The following RPS6KC1 variants were observed in gnomAD, a reference collection of about 807,000 sequenced individuals.
RPS6KC1 encodes the protein inactive ribosomal protein S6 kinase delta-1.
In RPS6KC1, 54 loss-of-function variants were observed where a neutral mutation model predicts 103.8. The ratio of observed to expected loss-of-function variants is 0.52; its 90% CI spans 0.42 to 0.65. RPS6KC1 has a LOEUF of 0.65. RPS6KC1 is among the 30% of genes least tolerant of loss of function. The pLI is 0.00. For synonymous variants in RPS6KC1, 439 were observed against 438.7 expected, an observed-to-expected ratio of 1.00 and a Z score of -0.01; for missense variants, 1,151 against 1,253.8, an observed-to-expected ratio of 0.92 and a Z score of 1.24.
chr1:213,157,565 A>T (rs556989084), intron 6 of RPS6KC1, among the ~76,000 whole-genome samples: 13 of 152,192 alleles, frequency 8.5e-5, no homozygotes, highest in African/African-American at 3.1e-4. Flanking sequence ...GCATGATTTA[A>T]ATTATTTTAC....
At chr1:213,364,968 A>G in the RPS6KC1 span, among the ~76,000 whole-genome samples, 42 of 152,226 alleles carry the variant, frequency 2.8e-4, no homozygotes, top group African/African-American at 9.1e-4. Context: ...AAAAAAATAA[A>G]CAATAAAAAT....
chr1:213,629,193 T>C, the RPS6KC1 span, among the ~76,000 whole-genome samples: 1 of 152,160 alleles, frequency 6.6e-6, no homozygotes, highest in Non-Finnish European at 1.5e-5. Flanking sequence ...TGTTAAAGTC[T>C]CCCATTATTA....
the RPS6KC1 span, among the ~76,000 whole-genome samples, chr1:213,362,580 A>G: frequency 6.6e-6 from 1 of 152,180 alleles, no homozygotes; most frequent in Non-Finnish European, 1.5e-5. Flanking sequence ...CCATGGGCAA[A>G]CACGTGGTCA....
the RPS6KC1 span, among the ~76,000 whole-genome samples, chr1:213,579,374 A>C: frequency 6.6e-6 from 1 of 152,260 alleles, no homozygotes; most frequent in South Asian, 2.1e-4. Flanking sequence ...TCAGAAGAAA[A>C]GTTAGAAGCT....
chr1:213,069,022 C>T (rs1238236210), intron 1 of RPS6KC1, among the ~76,000 whole-genome samples: 1 of 151,824 alleles, frequency 6.6e-6, no homozygotes, highest in Non-Finnish European at 1.5e-5. Context: ...CATGCCATGG[C>T]ACTCTAGCCT....
chr1:213,162,763 A>G (rs953395003), intron 6 of RPS6KC1, among the ~76,000 whole-genome samples: 3 of 152,256 alleles, frequency 2.0e-5, no homozygotes, highest in African/African-American at 7.2e-5. Context: ...AGTGTTACTG[A>G]TAGCAGAAAA....
chr1:213,716,008 A>T, the RPS6KC1 span, among the ~76,000 whole-genome samples: 1 of 152,154 alleles, frequency 6.6e-6, no homozygotes, highest in African/African-American at 2.4e-5. Context: ...TTTGTGCAAC[A>T]TAAGCTCCAT....
chr1:213,452,323 G>T, the RPS6KC1 span, among the ~76,000 whole-genome samples: 1 of 149,242 alleles, frequency 6.7e-6, no homozygotes, highest in African/African-American at 2.5e-5. Context: ...CTCTCTCTGA[G>T]CTCATAACTA....
the RPS6KC1 span, among the ~76,000 whole-genome samples, chr1:213,597,076 G>A: frequency 1.3e-5 from 2 of 152,154 alleles, no homozygotes; most frequent in African/African-American, 2.4e-5. Context: ...ATACATACCC[G>A]AACAAGAGAA....
chr1:213,421,958 T>A, the RPS6KC1 span, among the ~76,000 whole-genome samples: 2 of 152,248 alleles, frequency 1.3e-5, no homozygotes, highest in Admixed American at 6.5e-5. Context: ...CTTCCCTTGC[T>A]AGACCCCAAG....
chr1:213,827,726 T>G, the RPS6KC1 span, among the ~76,000 whole-genome samples: 7 of 152,256 alleles, frequency 4.6e-5, no homozygotes, highest in South Asian at 1.5e-3. Flanking sequence ...TCACTCTCCT[T>G]CACCATCAGG....
chr1:213,686,488 T>G, the RPS6KC1 span, among the ~76,000 whole-genome samples: 1 of 152,140 alleles, frequency 6.6e-6, no homozygotes, highest in African/African-American at 2.4e-5. Context: ...GTGTAGAGAA[T>G]CAGGAGAAGT....
intron 12 of RPS6KC1, among the ~76,000 whole-genome samples, chr1:213,242,934 TA>T (rs1326622897): frequency 1.3e-5 from 2 of 152,184 alleles, no homozygotes; most frequent in Admixed American, 6.6e-5. Flanking sequence ...AGAAATGTCT[TA>T]ACTTCTTAGT....
Position 213,242,108 on chromosome 1 carries a change from G to A in RPS6KC1, c.2632G>A (p.Gly878Arg). ...TKGESGLVLE[G>R]DKEIHQIFED... ...GGGTGAAAGTGGTTTAGTGCTAGAAGGAGACAAGGAAATACATCAGATTTT... is the reference window on the plus strand; with the variant it reads ...GGGTGAAAGTGGTTTAGTGCTAGAAAGAGACAAGGAAATACATCAGATTTT... The change falls in exon 11 of 15, where the codon GGA becomes AGA. Residue 878 changes from glycine (G) to arginine (R), a missense_variant. Coordinates refer to ENST00000366960, the MANE Select transcript of RPS6KC1 (RefSeq NM_012424.6). 2 of 1,613,804 alleles carry A rather than the reference G, an allele frequency of 1.2e-6. No individual in the cohort carries two copies. Among genetic ancestry groups the A allele is most frequent in the Non-Finnish European group, 1.7e-6 (2 of 1,179,806 alleles).
At chr1:213,140,985 C>A (rs1181731876) in intron 6 of RPS6KC1, among the ~76,000 whole-genome samples, 1 of 151,804 alleles carries the variant, frequency 6.6e-6, no homozygotes, top group East Asian at 1.9e-4. Context: ...CAACCTCCCC[C>A]TCCCGGGTTC....
chr1:213,365,018 G>A, the RPS6KC1 span, among the ~76,000 whole-genome samples: 1 of 152,174 alleles, frequency 6.6e-6, no homozygotes, highest in Non-Finnish European at 1.5e-5. Flanking sequence ...GATTCATTGA[G>A]CACCATAAAT....
the RPS6KC1 span, among the ~76,000 whole-genome samples, chr1:213,739,050 A>C: frequency 6.6e-6 from 1 of 152,042 alleles, no homozygotes; most frequent in Non-Finnish European, 1.5e-5. Flanking sequence ...ACTGTTGAAC[A>C]ACACGGGTTT....
chr1:213,549,009 C>G, the RPS6KC1 span, among the ~76,000 whole-genome samples: 3 of 152,208 alleles, frequency 2.0e-5, no homozygotes, highest in East Asian at 5.8e-4. Context: ...TAGCCTGCAT[C>G]TGTCTTGCTT....
chr1:213,482,432 G>A, the RPS6KC1 span, among the ~76,000 whole-genome samples: 1 of 150,524 alleles, frequency 6.6e-6, no homozygotes, highest in Non-Finnish European at 1.5e-5. Flanking sequence ...TTCTGTATTT[G>A]GAGTAAAAAG....
Sources: gnomAD v4.1 joint callset for allele counts (sites outside exome capture counted in the v4.1 genomes callset) on GRCh38, gnomAD v4.1.1 for gene constraint, MANE v1.5 for transcripts, NCBI Gene and HGNC (gene_info 2026-07-23, HGNC 2026-07-21) for gene names.